Variants in ATAD5 observed in about 807,000 individuals in gnomAD.
The protein encoded by ATAD5 is ATPase family AAA domain containing 5.
Under a neutral mutation model 176.9 loss-of-function variants are expected in ATAD5, and 58 were observed. That is an observed-to-expected ratio of 0.33 (90% CI 0.27 to 0.41). The LOEUF (loss-of-function observed/expected upper bound fraction) is 0.41. Among genes scored for constraint, ATAD5 ranks in the 10% least tolerant of loss-of-function variants. ATAD5 has a pLI of 1.00. For missense variants in ATAD5, 1,789 were observed against 2,094.1 expected (o/e 0.85, Z 2.84); for synonymous variants, 640 against 712.6 (o/e 0.90, Z 1.62).
intron 16 of ATAD5, 57 bp downstream of exon 16, chr17:30,877,606 A>AAAAC: frequency 1.3e-6 from 2 of 1,501,270 alleles, no homozygotes; most frequent in Non-Finnish European, 1.8e-6. Flanking sequence ...TACTTTAAAG[A>AAAAC]ATACTGTATG....
chr17:30,849,967 T>A (rs1176506641), intron 6 of ATAD5, among the ~76,000 whole-genome samples: 1 of 152,058 alleles, frequency 6.6e-6, no homozygotes, highest in Non-Finnish European at 1.5e-5. Flanking sequence ...ACTGTGGGAC[T>A]CCATCTCTTT....
rs752710900 is a variant in ATAD5, at chr17:30,840,738, G to A, written c.2198G>A (p.Arg733Lys). 1 of 1,608,520 alleles carries A rather than the reference G, an allele frequency of 6.2e-7. No individual in the cohort carries two copies. Among genetic ancestry groups the A allele is most frequent in the Non-Finnish European group, 8.5e-7 (1 of 1,178,192 alleles). ...EIAIPLRRSS[R>K]HQTLPERKKL... The stretch of plus-strand genomic sequence containing the variant: ...GCGATACCCTTAAGGCGCTCCTCTA[G>A]ACATCAGACACTTCCTGAAAGGAAG... Residue 733 changes from arginine to lysine, a missense_variant, in exon 4 of 23, where the codon AGA (arginine) becomes AAA (lysine). Physicochemically the swap from Arg to Lys is conservative, Grantham distance 26. This residue lies in a region of ATAD5 where 487 missense variants were observed against 573.6 expected (regional missense o/e 0.85). Coordinates refer to ENST00000321990, the MANE Select transcript of ATAD5 (RefSeq NM_024857.5).
At chr17:30,872,006 C>T (rs1567693710) in intron 14 of ATAD5, among the ~76,000 whole-genome samples, 1 of 152,144 alleles carries the variant, frequency 6.6e-6, no homozygotes, top group South Asian at 2.1e-4. Context: ...CCTGCCACCT[C>T]GAAGTGGGCT....
At chr17:30,877,664 G>C in intron 16 of ATAD5, 115 bp downstream of exon 16, 2 of 1,084,552 alleles carry the variant, frequency 1.8e-6, no homozygotes, top group Non-Finnish European at 2.7e-6. Flanking sequence ...AGGAATACGT[G>C]TATCTATTTG....
chr17:30,859,652 T>C (rs1907494408), intron 9 of ATAD5, among the ~76,000 whole-genome samples: 1 of 151,808 alleles, frequency 6.6e-6, no homozygotes, highest in South Asian at 2.1e-4. Flanking sequence ...TGAGCCACCA[T>C]ACCTGGCCTA....
chr17:30,837,166 AATC>A, intron 2 of ATAD5, 37 bp from the exon 3 acceptor site: 1 of 1,124,674 alleles, frequency 8.9e-7, no homozygotes. Flanking sequence ...TGTATGTTAT[AATC>A]ATGAAAATGT....
intron 1 of ATAD5, 24 bp from the exon 2 acceptor site, chr17:30,834,124 C>G (rs1290750525): frequency 1.3e-6 from 2 of 1,489,944 alleles, no homozygotes; most frequent in Non-Finnish European, 1.8e-6. Flanking sequence ...GAAATAAGTG[C>G]CTTTTTCTCT....
At chr17:30,847,440 C>T (rs887830781) in intron 6 of ATAD5, among the ~76,000 whole-genome samples, 5 of 151,572 alleles carry the variant, frequency 3.3e-5, no homozygotes, top group Middle Eastern at 3.2e-3. Context: ...AAGCGATTCT[C>T]CTGCCTCAGA....
At chr17:30,842,715 A>G (rs1906202798) in intron 4 of ATAD5, among the ~76,000 whole-genome samples, 1 of 151,968 alleles carries the variant, frequency 6.6e-6, no homozygotes, top group Admixed American at 6.6e-5. Context: ...CTTTTTAAAA[A>G]TTTTCTGCAT....
chr17:30,860,454 A>C lies in ATAD5; in HGVS notation c.2978A>C (p.His993Pro). The change falls in exon 10 of 23, where the codon CAT (histidine) becomes CCT (proline). Residue 993 changes from histidine to proline, a missense_variant. Physicochemically the swap from His to Pro is moderately conservative, Grantham distance 77. Around this residue, in one of 6 missense-constraint regions of ATAD5, gnomAD observed 487 missense variants for 573.6 expected, o/e 0.85. Coordinates refer to ENST00000321990, the MANE Select transcript of ATAD5 (RefSeq NM_024857.5). ...SKQELEADVS[H>P]KETKRKLVEA... ...GCAGAACTGGAGGCTGATGTCAGCCATAAAGAAACCAAAAGGAAACTCGTA... is the reference window on the plus strand; with the variant it reads ...GCAGAACTGGAGGCTGATGTCAGCCCTAAAGAAACCAAAAGGAAACTCGTA... The C allele has an allele frequency of 6.3e-7, 1 of 1,594,850 alleles. No homozygotes were observed. Among genetic ancestry groups the C allele is most frequent in the Non-Finnish European group, 8.5e-7 (1 of 1,175,886 alleles).
intron 4 of ATAD5, among the ~76,000 whole-genome samples, chr17:30,842,165 A>T (rs1436072373): frequency 6.6e-6 from 1 of 152,040 alleles, no homozygotes; most frequent in Non-Finnish European, 1.5e-5. Flanking sequence ...GCTACTCAGG[A>T]GGCTGAGGCA....
At position 30,887,283 on chromosome 17, in the gene ATAD5, C is replaced by T; in HGVS notation, c.4169C>T (p.Thr1390Ile). ...TTTGTAACCTTGTTAACTGCAAATA[C>T]TTGTGATATCAGAAAAAGTATCCTT... ...KDFVTLLTAN[T>I]CDIRKSILYL... The change falls in exon 19 of 23, where the codon ACT becomes ATT. Residue 1390 changes from threonine (T) to isoleucine (I), a missense_variant. This residue lies in a region of ATAD5 where 194 missense variants were observed against 270.1 expected (regional missense o/e 0.72). Coordinates refer to ENST00000321990, the MANE Select transcript of ATAD5 (RefSeq NM_024857.5). 1.2e-6 allele frequency: 2 copies of T among 1,606,336 alleles called. No homozygotes were observed. The highest frequency in any genetic ancestry group is 1.7e-6 in the Non-Finnish European group (2 of 1,176,734).
chr17:30,842,433 C>G (rs1567679776), intron 4 of ATAD5, among the ~76,000 whole-genome samples: 1 of 152,090 alleles, frequency 6.6e-6, no homozygotes, highest in Non-Finnish European at 1.5e-5. Flanking sequence ...TGTATTATAA[C>G]TAGTTAAACT....
At chr17:30,894,420 G>T in intron 21 of ATAD5, 144 bp from the exon 22 acceptor site, 1 of 826,504 alleles carries the variant, frequency 1.2e-6, no homozygotes, top group Non-Finnish European at 1.8e-6. Flanking sequence ...TTTCAGTATG[G>T]GAGTGATTGA....
At chr17:30,865,173 A>ATT (rs1361518168) in intron 10 of ATAD5, among the ~76,000 whole-genome samples, 22 of 133,994 alleles carry the variant, frequency 1.6e-4, no homozygotes, top group Non-Finnish European at 2.1e-4. Flanking sequence ...GTGCACTTTA[A>ATT]TTTTTTTTTT....
chr17:30,842,166 G>C (rs2142319797), intron 4 of ATAD5, among the ~76,000 whole-genome samples: 1 of 152,140 alleles, frequency 6.6e-6, no homozygotes. Flanking sequence ...CTACTCAGGA[G>C]GCTGAGGCAG....
At chr17:30,892,162 C>T (rs1051522213) in intron 19 of ATAD5, among the ~76,000 whole-genome samples, 15 of 151,738 alleles carry the variant, frequency 9.9e-5, no homozygotes, top group Admixed American at 3.3e-4. Context: ...CAGTGGCTCA[C>T]GCATGTAATC....
At chr17:30,848,000 G>A (rs754061717) in intron 6 of ATAD5, among the ~76,000 whole-genome samples, 5 of 151,984 alleles carry the variant, frequency 3.3e-5, no homozygotes, top group Non-Finnish European at 7.4e-5. Flanking sequence ...GATTACAAGC[G>A]CGAGCCACCG....
At chr17:30,859,810 G>A in intron 9 of ATAD5, among the ~76,000 whole-genome samples, 1 of 144,058 alleles carries the variant, frequency 6.9e-6, no homozygotes, top group African/African-American at 2.5e-5. Flanking sequence ...TGCAGCCTCA[G>A]CCTTCTAGGT....
Sources: allele counts gnomAD v4.1 joint callset (sites outside exome capture counted in the v4.1 genomes callset), GRCh38; gene constraint gnomAD v4.1.1; regional missense constraint gnomAD v4.1.1; transcripts MANE v1.5; gene names NCBI Gene and HGNC (gene_info 2026-07-23, HGNC 2026-07-21).